ACSS3: variants seen among roughly 807,000 people sequenced by gnomAD.
ACSS3 encodes acyl-CoA synthetase short chain family member 3, also known as acyl-CoA synthetase short-chain family member 3, mitochondrial.
Under a neutral mutation model 84.2 loss-of-function variants are expected in ACSS3, and 64 were observed. The observed-to-expected ratio is 0.76, with a 90% CI of 0.62 to 0.94. The LOEUF is 0.94. Among genes scored for constraint, ACSS3 ranks in the 40% least tolerant of loss-of-function variants. The pLI is 0.00. For synonymous variants in ACSS3, 317 were observed against 310.1 expected (o/e 1.02, Z -0.23); for missense variants, 815 against 867.6 (o/e 0.94, Z 0.76).
chr12:81,099,633 TTTCTGTAG>T (rs1402205886), intron 1 of ACSS3, among the ~76,000 whole-genome samples: 1 of 152,214 alleles, frequency 6.6e-6, no homozygotes, highest in East Asian at 1.9e-4. Flanking sequence ...CTAATTTAAC[TTTCTGTAG>T]CTCAGTAACC....
rs533525444 is a variant in ACSS3, at chr12:81,257,394, G to T, written c.*2472G>T. The stretch of plus-strand genomic sequence containing the variant: ...TTACTACTAACCATAAATCACTTTT[G>T]CTAGATAGTACTTTAAAGATTCTGA... On this transcript the variant is annotated 3_prime_UTR_variant, in exon 16 of 16. Coordinates refer to ENST00000548058, the MANE Select transcript of ACSS3 (RefSeq NM_024560.4). 38 of 152,058 alleles carry T rather than the reference G, an allele frequency of 2.5e-4. No individual in the cohort carries two copies. The highest frequency in any genetic ancestry group is 5.1e-4 in the Non-Finnish European group (35 of 68,002). The allele number at this position is 152,058 out of a possible 1,614,324, so 9.4% of individuals were successfully genotyped here.
At chr12:81,208,942 A>G (rs1465925674) in intron 9 of ACSS3, among the ~76,000 whole-genome samples, 2 of 152,176 alleles carry the variant, frequency 1.3e-5, no homozygotes. Context: ...AATAGAATAT[A>G]TTCGATAAAT....
At position 81,199,395 on chromosome 12, in the gene ACSS3, G is replaced by A; in HGVS notation, c.1305G>A (p.Trp435Ter). Residue 435 changes from tryptophan to a stop codon, truncating the protein, a stop_gained, in exon 9 of 16, where the codon TGG becomes TGA. Coordinates refer to ENST00000548058, the MANE Select transcript of ACSS3 (RefSeq NM_024560.4). LOFTEE classifies it high-confidence loss of function. ...GATGTGATGTAGAGACCCTGGAATGGTCCAAAAATGTCTTCAGAGTACCTG... is the reference window on the plus strand; with the variant it reads ...GATGTGATGTAGAGACCCTGGAATGATCCAAAAATGTCTTCAGAGTACCTG... ...GERCDVETLE[W>*]SKNVFRVPVL... 1 of 1,613,636 alleles carries A rather than the reference G, an allele frequency of 6.2e-7. No individual in the cohort carries two copies. Among genetic ancestry groups the A allele is most frequent in the Non-Finnish European group, 8.5e-7 (1 of 1,179,752 alleles).
chr12:81,109,685 A>G lies in ACSS3; in HGVS notation c.437A>G (p.Tyr146Cys). The change falls in exon 2 of 16, where the codon TAT becomes TGT. Residue 146 changes from tyrosine (Y) to cysteine (C), a missense_variant. Transcript: ENST00000548058. ...PVTNTKATFT[Y>C]KEVLEQVSKL... ...ACAAACACTAAAGCAACCTTTACCTATAAAGAAGTTCTGGAGCAGGTAATA... is the reference window on the plus strand; with the variant it reads ...ACAAACACTAAAGCAACCTTTACCTGTAAAGAAGTTCTGGAGCAGGTAATA... 2 of 1,601,282 alleles carry G rather than the reference A, an allele frequency of 1.2e-6. No individual in the cohort carries two copies. Among genetic ancestry groups the G allele is most frequent in the Admixed American group, 1.7e-5 (1 of 57,760 alleles).
intron 2 of ACSS3, among the ~76,000 whole-genome samples, chr12:81,115,659 T>C (rs1398525038): frequency 1.3e-5 from 2 of 152,134 alleles, no homozygotes; most frequent in Non-Finnish European, 2.9e-5. Flanking sequence ...AATTTTTCTA[T>C]TGGATTGTTA....
chr12:81,224,713 T>C (rs2033215676), intron 11 of ACSS3, among the ~76,000 whole-genome samples: 2 of 151,808 alleles, frequency 1.3e-5, no homozygotes, highest in African/African-American at 4.8e-5. Context: ...AATAAATAAT[T>C]CACCTTTTAA....
chr12:81,233,433 G>T lies in ACSS3; in HGVS notation c.1681G>T (p.Val561Phe). 6.2e-7 allele frequency: 1 copy of T among 1,611,016 alleles called. No homozygotes were observed. Among genetic ancestry groups the T allele is most frequent in the African/African-American group, 1.3e-5 (1 of 74,786 alleles). ...VMSRVDDVIN[V>F]AGHRISAGAI... is the part of the protein sequence containing the mutation. The stretch of plus-strand genomic sequence containing the variant: ...GTCTCGAGTGGATGATGTAATAAAT[G>T]TTGCAGGTCACAGAATTTCTGCAGG... Residue 561 changes from valine to phenylalanine, a missense_variant, in exon 13 of 16, where the codon GTT (valine) becomes TTT (phenylalanine). Val to Phe is a conservative substitution (Grantham distance 50). Coordinates refer to ENST00000548058, the MANE Select transcript of ACSS3 (RefSeq NM_024560.4).
In ACSS3 at chr12:81,233,462, C is replaced by T. The variant is rs140086128; in HGVS notation, c.1710C>T (p.Ala570=). The T allele has an allele frequency of 2.7e-4, 438 of 1,610,454 alleles. No homozygotes were observed. Among genetic ancestry groups the T allele is most frequent in the Non-Finnish European group, 3.5e-4 (407 of 1,177,598 alleles). ...NVAGHRISAG[A]IEESILSHGT... is the part of the protein sequence containing the mutation. ...CAGGTCACAGAATTTCTGCAGGCGC[C>T]ATTGAAGAGGTATTGATGAATATTG... The change falls in exon 13 of 16, where the codon GCC becomes GCT. Residue 570 remains alanine, a synonymous_variant. Transcript: ENST00000548058.
At chr12:81,148,068 T>A (rs557899781) in intron 5 of ACSS3, among the ~76,000 whole-genome samples, 2 of 152,146 alleles carry the variant, frequency 1.3e-5, no homozygotes, top group South Asian at 4.2e-4. Flanking sequence ...ATAGAGGGAC[T>A]TAATGTAGGA....
In ACSS3 at chr12:81,152,005, G is replaced by A. The variant is rs1886635250; in HGVS notation, c.1007G>A (p.Trp336Ter). The change falls in exon 7 of 16, where the codon TGG (tryptophan) becomes TAG (stop). Residue 336 changes from tryptophan (W) to a stop codon, truncating the protein, a stop_gained. Coordinates refer to ENST00000548058, the MANE Select transcript of ACSS3 (RefSeq NM_024560.4). LOFTEE classifies it high-confidence loss of function. The part of the protein sequence containing the change: ...SIYGLQPGEV[W>*]WAASDLGWVV... ...TTTTATTATCTTATTTTTTAGGTGT[G>A]GTGGGCAGCTTCTGACTTAGGCTGG... 6.2e-7 allele frequency: 1 copy of A among 1,613,262 alleles called. No individual in the cohort carries two copies. The highest frequency in any genetic ancestry group is 8.5e-7 in the Non-Finnish European group (1 of 1,179,674).
At chr12:81,224,262 C>A (rs1346341551) in intron 11 of ACSS3, among the ~76,000 whole-genome samples, 1 of 151,904 alleles carries the variant, frequency 6.6e-6, no homozygotes, top group East Asian at 1.9e-4. Context: ...CAATCCAATG[C>A]ACTTTTACAT....
chr12:81,220,262 A>T (rs2033057860), intron 11 of ACSS3, among the ~76,000 whole-genome samples, 186 bp downstream of exon 11: 1 of 152,140 alleles, frequency 6.6e-6, no homozygotes, highest in Non-Finnish European at 1.5e-5. Flanking sequence ...CGACCAATTT[A>T]AATGCAATTT....
chr12:81,219,383 G>A (rs1344590010), intron 10 of ACSS3, among the ~76,000 whole-genome samples: 1 of 152,038 alleles, frequency 6.6e-6, no homozygotes, highest in Non-Finnish European at 1.5e-5. Context: ...GATGAATGAG[G>A]CCACATAAAT....
At chr12:81,147,458 T>C (rs1270366947) in intron 5 of ACSS3, among the ~76,000 whole-genome samples, 2 of 152,140 alleles carry the variant, frequency 1.3e-5, no homozygotes, top group Non-Finnish European at 2.9e-5. Flanking sequence ...GTGCTCAAAG[T>C]GGTGGAGAAG....
chr12:81,238,969 C>T (rs952805998), intron 13 of ACSS3, among the ~76,000 whole-genome samples: 9 of 151,592 alleles, frequency 5.9e-5, no homozygotes, highest in African/African-American at 2.2e-4. Flanking sequence ...TTAGATCTCT[C>T]TTCTTTTCTA....
chr12:81,253,201 G>A, intron 13 of ACSS3, 106 bp from the exon 14 acceptor site: 1 of 1,238,808 alleles, frequency 8.1e-7, no homozygotes, highest in Non-Finnish European at 1.1e-6. Context: ...TTCCCCAACT[G>A]AAATTATATG....
At position 81,108,263 on chromosome 12, in the gene ACSS3, TA is replaced by T. The variant is rs370690630; in HGVS notation, c.312-1295del. 3.8e-4 allele frequency among the ~76,000 whole-genome samples: 28 copies of T among 74,634 alleles called. 1 individual carries two copies. The highest frequency in any genetic ancestry group is 7.1e-4 in the African/African-American group (21 of 29,730). The allele number at this position is 74,634 out of a possible 152,430, so 49.0% of individuals were successfully genotyped here. A position where few individuals can be genotyped will look rare whatever the true frequency, so the allele number is the denominator to read the frequency against. On this transcript the variant is annotated intron_variant, in intron 1 of 15. Transcript: ENST00000548058. ...TTTCTGTGGCTATTATTATTATTAT[TA>T]ATTATTATTATTATTATTATTATTG...
intron 2 of ACSS3, among the ~76,000 whole-genome samples, chr12:81,126,194 G>A (rs1885082511): frequency 6.6e-6 from 1 of 152,060 alleles, no homozygotes; most frequent in Non-Finnish European, 1.5e-5. Flanking sequence ...CACTTTTTCA[G>A]CCAAATGGCA....
At chr12:81,209,834 C>A (rs1032028341) in intron 9 of ACSS3, among the ~76,000 whole-genome samples, 1 of 152,114 alleles carries the variant, frequency 6.6e-6, no homozygotes, top group Admixed American at 6.5e-5. Context: ...CCTTTTTAGA[C>A]CATATAGGGT....
Sources: allele counts gnomAD v4.1 joint callset (sites outside exome capture counted in the v4.1 genomes callset), GRCh38; gene constraint gnomAD v4.1.1; transcripts MANE v1.5; gene names NCBI Gene and HGNC (gene_info 2026-07-23, HGNC 2026-07-21).